Variants in NAA11 observed in about 807,000 individuals in gnomAD.
The protein encoded by NAA11 is N-alpha-acetyltransferase 11, NatA catalytic subunit, also known as N-alpha-acetyltransferase 11.
NAA11 carries 15 observed loss-of-function variants against 16.1 expected under a neutral mutation model. The ratio of observed to expected loss-of-function variants is 0.93; its 90% CI spans 0.62 to 1.44. The LOEUF (loss-of-function observed/expected upper bound fraction) is 1.44. Ranked by LOEUF, NAA11 falls within the 40% of genes most tolerant of loss-of-function variation. The pLI is 0.00. For missense variants in NAA11, 298 were observed against 291.3 expected (o/e 1.02, Z -0.17); for synonymous variants, 122 against 112.4 (o/e 1.09, Z -0.54).
chr4:79,227,561 A>G (rs1424168681), intron 2 of NAA11: 2 of 151,932 alleles, frequency 1.3e-5, no homozygotes, highest in African/African-American at 4.8e-5. Context: ...AACCAAGGAG[A>G]AGAGGATGTT....
intron 2 of NAA11, among the ~76,000 whole-genome samples, chr4:79,276,677 G>T (rs1376123442): frequency 6.6e-6 from 1 of 152,132 alleles, no homozygotes; most frequent in South Asian, 2.1e-4. Flanking sequence ...TGGCACTTGT[G>T]CTTTAGTCCA....
downstream of NAA11, among the ~76,000 whole-genome samples, chr4:79,222,243 G>A (rs1482193062): frequency 6.6e-6 from 1 of 152,000 alleles, no homozygotes; most frequent in Admixed American, 6.6e-5. Flanking sequence ...ATTTTTTATT[G>A]CATCTATTTG....
At chr4:79,198,014 G>A in the NAA11 span, among the ~76,000 whole-genome samples, 1 of 151,946 alleles carries the variant, frequency 6.6e-6, no homozygotes. Flanking sequence ...GAAGGAGCTG[G>A]TAAATATGCC....
downstream of NAA11, among the ~76,000 whole-genome samples, chr4:79,313,421 T>C (rs765192052): frequency 3.6e-4 from 55 of 152,222 alleles, no homozygotes; most frequent in Non-Finnish European, 5.7e-4. Context: ...CTGTGTCTTC[T>C]CACTCTATTG....
chr4:79,261,607 C>G (rs1722245512), intron 2 of NAA11, among the ~76,000 whole-genome samples: 1 of 152,132 alleles, frequency 6.6e-6, no homozygotes, highest in Non-Finnish European at 1.5e-5. Flanking sequence ...TAGATAATTA[C>G]TCAGAAGTTG....
intron 2 of NAA11, among the ~76,000 whole-genome samples, chr4:79,236,420 ACTT>A (rs1484498680): frequency 6.6e-6 from 1 of 152,100 alleles, no homozygotes; most frequent in Non-Finnish European, 1.5e-5. Flanking sequence ...ATTTAAAAGG[ACTT>A]CTTATTTCAA....
chr4:79,201,481 T>C, the NAA11 span, among the ~76,000 whole-genome samples: 4 of 151,918 alleles, frequency 2.6e-5, no homozygotes, highest in South Asian at 6.2e-4. Flanking sequence ...TTACTTTCTT[T>C]ATGAATCCGA....
intron 2 of NAA11, among the ~76,000 whole-genome samples, chr4:79,256,348 G>A (rs1722106389): frequency 6.6e-6 from 1 of 151,858 alleles, no homozygotes. Context: ...GTTCCTTGTA[G>A]CCCTCAATGT....
the NAA11 span, among the ~76,000 whole-genome samples, chr4:79,179,196 T>TTTTTG: frequency 1.3e-5 from 2 of 152,180 alleles, no homozygotes; most frequent in Non-Finnish European, 2.9e-5. Flanking sequence ...ATATTCTTGT[T>TTTTTG]TTTTGTTTTG....
At chr4:79,248,695 G>A (rs1721904565) in intron 2 of NAA11, among the ~76,000 whole-genome samples, 1 of 152,084 alleles carries the variant, frequency 6.6e-6, no homozygotes, top group Non-Finnish European at 1.5e-5. Flanking sequence ...GTGCATAGAG[G>A]GCAGCAACCC....
At chr4:79,262,624 G>GAA (rs1162348087) in intron 2 of NAA11, among the ~76,000 whole-genome samples, 1 of 152,130 alleles carries the variant, frequency 6.6e-6, no homozygotes, top group Admixed American at 6.5e-5. Flanking sequence ...CTTGCTACCA[G>GAA]AAGCCTAAGG....
At chr4:79,298,344 C>T (rs1723286176) in intron 1 of NAA11, among the ~76,000 whole-genome samples, 1 of 152,200 alleles carries the variant, frequency 6.6e-6, no homozygotes, top group Non-Finnish European at 1.5e-5. Context: ...GAAACATGTC[C>T]CTTGCTTGCC....
chr4:79,188,131 G>A, the NAA11 span, among the ~76,000 whole-genome samples: 2 of 149,270 alleles, frequency 1.3e-5, no homozygotes, highest in African/African-American at 4.9e-5. Context: ...TTTTTTGAAT[G>A]TTTTTTCCTC....
chr4:79,234,333 T>C (rs950211284), intron 2 of NAA11, among the ~76,000 whole-genome samples: 18 of 152,168 alleles, frequency 1.2e-4, no homozygotes, highest in African/African-American at 3.6e-4. Flanking sequence ...TGGCACATTC[T>C]CAAGAAGTTC....
intron 2 of NAA11, chr4:79,227,157 A>T (rs1323472858): frequency 6.6e-6 from 1 of 151,930 alleles, no homozygotes; most frequent in Non-Finnish European, 1.5e-5. Context: ...TGTGGTTTTG[A>T]TTTGCATTTC....
intron 1 of NAA11, among the ~76,000 whole-genome samples, chr4:79,302,627 A>C (rs1406020353): frequency 1.3e-5 from 2 of 152,154 alleles, no homozygotes; most frequent in Non-Finnish European, 2.9e-5. Context: ...TTGTATATAC[A>C]TTTGTGTGTA....
At chr4:79,282,258 T>C (rs1001309933) in intron 2 of NAA11, among the ~76,000 whole-genome samples, 6 of 152,086 alleles carry the variant, frequency 3.9e-5, no homozygotes, top group Non-Finnish European at 8.8e-5. Flanking sequence ...GCCCACATTA[T>C]ACAAGGTGCT....
At chr4:79,276,372 T>C (rs1722644286) in intron 2 of NAA11, among the ~76,000 whole-genome samples, 1 of 152,094 alleles carries the variant, frequency 6.6e-6, no homozygotes, top group Admixed American at 6.6e-5. Context: ...AAATGAACAC[T>C]GTCTACAGCC....
the NAA11 span, among the ~76,000 whole-genome samples, chr4:79,216,782 C>T: frequency 6.6e-6 from 1 of 152,068 alleles, no homozygotes; most frequent in Non-Finnish European, 1.5e-5. Flanking sequence ...TTCCTATTCA[C>T]CTAAGGAGTG....
Sources: gnomAD v4.1 joint callset for allele counts (sites outside exome capture counted in the v4.1 genomes callset) on GRCh38, gnomAD v4.1.1 for gene constraint, MANE v1.5 for transcripts, NCBI Gene and HGNC (gene_info 2026-07-23, HGNC 2026-07-21) for gene names.